Variants in GLIS3 observed in about 807,000 individuals in gnomAD.
The protein encoded by GLIS3 is GLIS family zinc finger 3, also known as zinc finger protein GLIS3.
In GLIS3, 53 loss-of-function variants were observed where a neutral mutation model predicts 78.6. That is an observed-to-expected ratio of 0.67 (90% CI 0.54 to 0.85). The LOEUF is 0.85. Ranked by LOEUF, GLIS3 falls within the 40% of genes least tolerant of loss-of-function variation. The pLI is 0.00. For missense variants in GLIS3, 1,703 were observed against 1,231.1 expected, an observed-to-expected ratio of 1.38 and a Z score of -5.74; for synonymous variants, 684 against 509.9, an observed-to-expected ratio of 1.34 and a Z score of -4.60.
intron 2 of GLIS3, among the ~76,000 whole-genome samples, chr9:4,178,280 G>A (rs932420490): frequency 6.6e-6 from 1 of 152,030 alleles, no homozygotes; most frequent in African/African-American, 2.4e-5. Context: ...CTGCCACCGT[G>A]CCTAAGATAC....
intron 4 of GLIS3, among the ~76,000 whole-genome samples, chr9:3,992,693 G>A (rs1032411512): frequency 6.6e-6 from 1 of 152,156 alleles, no homozygotes; most frequent in African/African-American, 2.4e-5. Context: ...CATCGTAAGA[G>A]TAAAAACAAA....
intron 4 of GLIS3, among the ~76,000 whole-genome samples, chr9:4,002,739 T>A (rs772778594): frequency 2.0e-5 from 3 of 152,188 alleles, no homozygotes; most frequent in South Asian, 2.1e-4. Flanking sequence ...TCTGGAAACA[T>A]GAGGCATACA....
At chr9:4,469,343 G>A in the GLIS3 span, among the ~76,000 whole-genome samples, 1 of 152,058 alleles carries the variant, frequency 6.6e-6, no homozygotes, top group Non-Finnish European at 1.5e-5. Flanking sequence ...ATTCTTTTGA[G>A]CACCACACAA....
At chr9:4,334,878 G>A (rs11795391) in intron 2 of GLIS3, among the ~76,000 whole-genome samples, 1,945 of 148,528 alleles carry the variant, frequency 0.013, 22 homozygotes, top group Non-Finnish European at 0.019. Context: ...AATAAGAGCA[G>A]CTCTCAGAAG....
chr9:4,226,619 T>G (rs1180909119), intron 2 of GLIS3, among the ~76,000 whole-genome samples: 1 of 152,188 alleles, frequency 6.6e-6, no homozygotes, highest in Non-Finnish European at 1.5e-5. Context: ...TAGAACTCTA[T>G]AGCATTGCTT....
chr9:4,283,764 T>C (rs748628369), intron 2 of GLIS3, among the ~76,000 whole-genome samples: 2 of 152,220 alleles, frequency 1.3e-5, no homozygotes, highest in Admixed American at 1.3e-4. Context: ...TGGCTTAGTA[T>C]AGGAATTGTC....
the GLIS3 span, among the ~76,000 whole-genome samples, chr9:4,414,452 C>G: frequency 0.029 from 4,350 of 152,210 alleles, 192 homozygotes; most frequent in African/African-American, 0.096. Flanking sequence ...CCTTACACCT[C>G]GGTTGAACCT....
the GLIS3 span, among the ~76,000 whole-genome samples, chr9:4,391,360 T>C: frequency 1.3e-5 from 2 of 152,308 alleles, no homozygotes; most frequent in South Asian, 4.1e-4. Flanking sequence ...CTAGTCTATA[T>C]AGGGGGTGTG....
the GLIS3 span, among the ~76,000 whole-genome samples, chr9:4,459,935 G>C: frequency 9.8e-5 from 15 of 152,370 alleles, no homozygotes; most frequent in East Asian, 2.5e-3. Context: ...TCACCATGGT[G>C]GGGGAGAGGG....
intron 6 of GLIS3, among the ~76,000 whole-genome samples, chr9:3,924,816 G>C (rs775174847): frequency 6.6e-6 from 1 of 152,290 alleles, no homozygotes; most frequent in African/African-American, 2.4e-5. Flanking sequence ...CAGAGAGCCT[G>C]AGCTAAACAC....
intron 4 of GLIS3, among the ~76,000 whole-genome samples, chr9:4,062,022 G>T (rs1033050379): frequency 6.6e-6 from 1 of 152,164 alleles, no homozygotes; most frequent in Non-Finnish European, 1.5e-5. Context: ...ATTTACCCAA[G>T]ATTTCAGGCT....
At chr9:4,251,937 C>A (rs774898499) in intron 2 of GLIS3, among the ~76,000 whole-genome samples, 4 of 152,202 alleles carry the variant, frequency 2.6e-5, no homozygotes, top group Non-Finnish European at 5.9e-5. Context: ...TTGGCCCCCA[C>A]TCTCTTCTGG....
chr9:3,944,198 A>G (rs1361052609), intron 4 of GLIS3, among the ~76,000 whole-genome samples: 2 of 152,164 alleles, frequency 1.3e-5, no homozygotes, highest in East Asian at 1.9e-4. Context: ...AATGAAAAAA[A>G]TTTTTCAAGA....
chr9:3,898,235 A>T (rs1823004371), intron 7 of GLIS3: 1 of 237,290 alleles, frequency 4.2e-6, no homozygotes, highest in South Asian at 6.0e-5. Flanking sequence ...ATGGTTGGCA[A>T]ACATGAATGA....
the GLIS3 span, among the ~76,000 whole-genome samples, chr9:4,451,298 A>C: frequency 6.6e-6 from 1 of 152,224 alleles, no homozygotes; most frequent in Admixed American, 6.5e-5. Flanking sequence ...AGAAGAGCTA[A>C]CTGTCCTAAA....
chr9:4,345,096 G>C (rs570903595), intron 2 of GLIS3, among the ~76,000 whole-genome samples: 3 of 152,206 alleles, frequency 2.0e-5, no homozygotes, highest in South Asian at 4.1e-4. Flanking sequence ...CTCTATTCAA[G>C]TCTCCGCAAG....
At chr9:3,845,895 G>C (rs10973761) in intron 9 of GLIS3, among the ~76,000 whole-genome samples, 30,781 of 152,150 alleles carry the variant, frequency 0.2, 3,647 homozygotes, top group East Asian at 0.54. Flanking sequence ...AGATGGTCCT[G>C]GGTGCAATTT....
chr9:4,377,441 C>CA, the GLIS3 span, among the ~76,000 whole-genome samples: 1 of 135,830 alleles, frequency 7.4e-6, no homozygotes, highest in South Asian at 2.9e-4. Flanking sequence ...CCTTTGGCCA[C>CA]AGCCTTCCCT....
At chr9:3,976,217 ATTTT>A (rs554407323) in intron 4 of GLIS3, among the ~76,000 whole-genome samples, 1 of 150,678 alleles carries the variant, frequency 6.6e-6, no homozygotes, top group African/African-American at 2.4e-5. Flanking sequence ...CAACATGTGA[ATTTT>A]TTTTTTCTTT....
Sources: allele counts gnomAD v4.1 joint callset (sites outside exome capture counted in the v4.1 genomes callset), GRCh38; gene constraint gnomAD v4.1.1; transcripts MANE v1.5; gene names NCBI Gene and HGNC (gene_info 2026-07-23, HGNC 2026-07-21).